The following ELOVL6 variants were observed in gnomAD, a reference collection of about 807,000 sequenced individuals.
ELOVL6 encodes very long chain fatty acid elongase 6.
A neutral mutation model predicts 31.7 loss-of-function variants in ELOVL6; 8 were observed. The ratio of observed to expected loss-of-function variants is 0.25; its 90% confidence interval spans 0.15 to 0.45. The LOEUF (loss-of-function observed/expected upper bound fraction) is 0.45. Among genes scored for constraint, ELOVL6 ranks in the 20% least tolerant of loss-of-function variants. The pLI is 1.00. For synonymous variants in ELOVL6, 101 were observed against 117.7 expected, an observed-to-expected ratio of 0.86 and a Z score of 0.92; for missense variants, 126 against 326.4, an observed-to-expected ratio of 0.39 and a Z score of 4.73.
chr4:110,189,448 G>A (rs1759543618), intron 1 of ELOVL6, among the ~76,000 whole-genome samples: 1 of 151,258 alleles, frequency 6.6e-6, no homozygotes, highest in Non-Finnish European at 1.5e-5. Context: ...TTAGGCAGGT[G>A]TGGTGGCAGG....
intron 2 of ELOVL6, among the ~76,000 whole-genome samples, chr4:110,077,771 T>A (rs556132937): frequency 1.3e-5 from 2 of 152,212 alleles, no homozygotes; most frequent in East Asian, 1.9e-4. Flanking sequence ...TAAGAAGGCT[T>A]CAGACGATCA....
At chr4:110,069,131 AAATAATAATAATAAT>A (rs58966120) in intron 2 of ELOVL6, among the ~76,000 whole-genome samples, 8 of 133,698 alleles carry the variant, frequency 6.0e-5, no homozygotes, top group African/African-American at 1.4e-4. Context: ...CTCTGTCTCC[AAATAATAATAATAAT>A]AATAATAATA....
intron 2 of ELOVL6, among the ~76,000 whole-genome samples, chr4:110,070,371 C>G (rs922243151): frequency 2.6e-5 from 4 of 152,094 alleles, no homozygotes; most frequent in Non-Finnish European, 5.9e-5. Context: ...AATGTTGAAG[C>G]CAAAAAACTC....
intron 1 of ELOVL6, among the ~76,000 whole-genome samples, chr4:110,180,763 T>TA (rs1314167512): frequency 6.6e-6 from 1 of 152,148 alleles, no homozygotes; most frequent in African/African-American, 2.4e-5. Context: ...GTCTATAGCT[T>TA]AAGAATGAAA....
chr4:110,176,108 T>C (rs1759096006), intron 1 of ELOVL6, among the ~76,000 whole-genome samples: 1 of 151,904 alleles, frequency 6.6e-6, no homozygotes, highest in South Asian at 2.1e-4. Context: ...ATTTACTCAA[T>C]AGTTTACATT....
chr4:110,149,289 A>G (rs1758217478), intron 1 of ELOVL6, among the ~76,000 whole-genome samples: 1 of 152,222 alleles, frequency 6.6e-6, no homozygotes, highest in South Asian at 2.1e-4. Context: ...GTATACACCC[A>G]AAGGAAATGA....
chr4:110,114,371 T>C (rs1757119992), intron 1 of ELOVL6, among the ~76,000 whole-genome samples: 1 of 152,104 alleles, frequency 6.6e-6, no homozygotes, highest in Admixed American at 6.6e-5. Context: ...TCTTTTCCAG[T>C]CCAGTGGCCT....
chr4:110,127,213 C>G (rs557130903), intron 1 of ELOVL6, among the ~76,000 whole-genome samples: 1 of 151,932 alleles, frequency 6.6e-6, no homozygotes, highest in African/African-American at 2.4e-5. Flanking sequence ...TCGAGACCAG[C>G]CTGACCAACA....
rs1560815818 is a variant in ELOVL6 at position 110,084,564 on chromosome 4, A to ATATATT, written c.221+20932_221+20933insAATATA. ...CACACACACACACACACACACACAGATATATATATATATATATATATATAT... is the reference window on the plus strand; with the variant it reads ...CACACACACACACACACACACACAGATATATTTATATATATATATATATATATATAT... On this transcript the variant is annotated intron_variant, in intron 2 of 3. Coordinates refer to ENST00000302274, the MANE Select transcript of ELOVL6 (RefSeq NM_024090.3). Among the ~76,000 whole-genome samples the ATATATT allele has an allele frequency of 1.3e-3, 42 of 33,182 alleles. 2 individuals are homozygous for ATATATT. Among genetic ancestry groups the ATATATT allele is most frequent in the African/African-American group, 8.0e-3 (30 of 3,744 alleles). The allele number at this position is 33,182 out of a possible 152,430, so 21.8% of individuals were successfully genotyped here.
intron 1 of ELOVL6, among the ~76,000 whole-genome samples, chr4:110,156,815 AT>A (rs1204807464): frequency 6.6e-6 from 1 of 152,242 alleles, no homozygotes; most frequent in East Asian, 1.9e-4. Context: ...GTAAAATAGG[AT>A]TAACGAGTAT....
chr4:110,076,955 G>A (rs1471373564), intron 2 of ELOVL6, among the ~76,000 whole-genome samples: 1 of 152,218 alleles, frequency 6.6e-6, no homozygotes, highest in African/African-American at 2.4e-5. Flanking sequence ...GACTGGCTCG[G>A]AGGGTCCTAC....
chr4:110,166,025 A>G (rs1486412642), intron 1 of ELOVL6, among the ~76,000 whole-genome samples: 2 of 152,068 alleles, frequency 1.3e-5, no homozygotes, highest in African/African-American at 4.8e-5. Context: ...ACAGAGCCTC[A>G]GCACTCCTGG....
chr4:110,157,503 T>A (rs1758484190), intron 1 of ELOVL6, among the ~76,000 whole-genome samples: 1 of 152,076 alleles, frequency 6.6e-6, no homozygotes, highest in Non-Finnish European at 1.5e-5. Flanking sequence ...AAACCCCGTC[T>A]CTACTAAAAA....
At chr4:110,188,360 A>C (rs1759507610) in intron 1 of ELOVL6, among the ~76,000 whole-genome samples, 2 of 152,178 alleles carry the variant, frequency 1.3e-5, no homozygotes, top group Admixed American at 1.3e-4. Context: ...AGTGCAGCCA[A>C]GTTTTCAAGT....
rs1191528635 is a variant in ELOVL6, at chr4:110,084,585, TA to T, written c.221+20911del. Among the ~76,000 whole-genome samples the T allele has an allele frequency of 5.3e-3, 215 of 40,212 alleles. 2 individuals are homozygous for T. The East Asian group carries it at 0.056, about 10-fold the overall frequency. 26.4% of individuals were successfully genotyped at this position (40,212 alleles called of 152,430 possible). On this transcript the variant is annotated intron_variant, in intron 2 of 3. Transcript: ENST00000302274. ...ACAGATATATATATATATATATATA[TA>T]TATTTTTTTTTTTTTTTTTTTTTTT... is the stretch of plus-strand genomic sequence containing the variant.
At chr4:110,174,338 G>A (rs1759038557) in intron 1 of ELOVL6, among the ~76,000 whole-genome samples, 1 of 151,946 alleles carries the variant, frequency 6.6e-6, no homozygotes, top group African/African-American at 2.4e-5. Flanking sequence ...GCTGATTTTT[G>A]TATTTTCAGT....
intron 3 of ELOVL6, among the ~76,000 whole-genome samples, chr4:110,054,332 A>C (rs760566018): frequency 6.6e-6 from 1 of 152,140 alleles, no homozygotes; most frequent in South Asian, 2.1e-4. Flanking sequence ...TTTCAGTGTT[A>C]AACTGTGCTA....
intron 3 of ELOVL6, among the ~76,000 whole-genome samples, chr4:110,056,897 C>A (rs1272422747): frequency 6.6e-6 from 1 of 151,942 alleles, no homozygotes; most frequent in African/African-American, 2.4e-5. Context: ...GACATTTGGG[C>A]CTGGATTAAA....
chr4:110,155,612 G>C (rs1196787972), intron 1 of ELOVL6, among the ~76,000 whole-genome samples: 1 of 151,978 alleles, frequency 6.6e-6, no homozygotes, highest in Admixed American at 6.6e-5. Context: ...CAGACAGTAA[G>C]AGTCCCAAGT....
Sources: allele counts gnomAD v4.1 joint callset (sites outside exome capture counted in the v4.1 genomes callset), GRCh38; gene constraint gnomAD v4.1.1; transcripts MANE v1.5; gene names NCBI Gene and HGNC (gene_info 2026-07-23, HGNC 2026-07-21).